Variants in NEK11 observed in about 807,000 individuals in gnomAD.
The protein encoded by NEK11 is NIMA related kinase 11.
Under a neutral mutation model 80.7 loss-of-function variants are expected in NEK11, and 72 were observed. The observed-to-expected ratio is 0.89, with a 90% CI of 0.74 to 1.08. The LOEUF (loss-of-function observed/expected upper bound fraction) is 1.08. Ranked by LOEUF, NEK11 falls within the 50% of genes least tolerant of loss-of-function variation. The probability of loss-of-function intolerance (pLI) is 0.00; values close to 1 mark genes in which losing one functional copy is unlikely to be tolerated. For missense variants in NEK11, 764 were observed against 763.6 expected (o/e 1.00, Z -0.01); for synonymous variants, 251 against 260.7 (o/e 0.96, Z 0.36).
Position 131,296,154 on chromosome 3 carries a change from AAAC to A in NEK11, c.1718+22585_1718+22587del, listed in dbSNP as rs370449068. ...CCACACCTGGCCCAAGTCTGCTTTC[AAAC>A]AACATTATACCACTTCATAGGTAAT... On this transcript the variant is annotated intron_variant, in intron 17 of 17. Transcript: ENST00000383366. 6.1e-4 allele frequency among the ~76,000 whole-genome samples: 93 copies of A among 152,232 alleles called. 3 individuals are homozygous for A. The South Asian group carries it at 0.017, about 28-fold the overall frequency.
At position 131,188,575 on chromosome 3, in the gene NEK11, G is replaced by T. The variant is rs375334223; in HGVS notation, c.1399+17688G>T. ...TACATTGCTGTTATCCTTGTACTTT[G>T]TAAGTACCATTATATCCTTGCACTT... is the stretch of plus-strand genomic sequence containing the variant. On this transcript the variant is annotated intron_variant, in intron 14 of 17. Transcript: ENST00000383366. 2.0e-5 allele frequency among the ~76,000 whole-genome samples: 3 copies of T among 152,058 alleles called. No individual in the cohort carries two copies. The East Asian group carries it at 5.8e-4, about 29-fold the overall frequency.
intron 14 of NEK11, among the ~76,000 whole-genome samples, chr3:131,205,999 G>A (rs375616187): frequency 3.3e-5 from 5 of 152,292 alleles, no homozygotes; most frequent in South Asian, 2.1e-4. Context: ...GAATCACTGC[G>A]TATAAGTAAG....
chr3:131,166,651 A>G (rs1246881181), intron 12 of NEK11, among the ~76,000 whole-genome samples: 2 of 152,130 alleles, frequency 1.3e-5, no homozygotes, highest in Non-Finnish European at 2.9e-5. Context: ...CACCCCTCTG[A>G]CACACCATTT....
intron 17 of NEK11, among the ~76,000 whole-genome samples, chr3:131,319,468 C>A (rs2096876340): frequency 6.6e-6 from 1 of 152,086 alleles, no homozygotes; most frequent in Non-Finnish European, 1.5e-5. Flanking sequence ...GCCCAGAGTG[C>A]CATGGAGACT....
intron 14 of NEK11, among the ~76,000 whole-genome samples, chr3:131,178,054 G>A (rs1046251164): frequency 6.6e-6 from 1 of 152,186 alleles, no homozygotes; most frequent in Non-Finnish European, 1.5e-5. Context: ...TTGTAACACA[G>A]TGGTAAGTAT....
intron 3 of NEK11, among the ~76,000 whole-genome samples, chr3:131,061,692 C>A (rs577923078): frequency 1.3e-4 from 20 of 152,140 alleles, no homozygotes; most frequent in Admixed American, 1.2e-3. Flanking sequence ...TCTCTCGGAT[C>A]CAAGCAACAA....
chr3:131,082,657 T>G (rs755596602), intron 4 of NEK11, among the ~76,000 whole-genome samples: 1 of 152,248 alleles, frequency 6.6e-6, no homozygotes, highest in Non-Finnish European at 1.5e-5. Context: ...TAGACATACA[T>G]AGTATATGTT....
intron 14 of NEK11, among the ~76,000 whole-genome samples, chr3:131,187,697 A>G (rs985811819): frequency 6.6e-6 from 1 of 152,148 alleles, no homozygotes; most frequent in African/African-American, 2.4e-5. Context: ...AGAAATGAGT[A>G]CAGGTGTTTT....
At chr3:131,266,287 TA>T (rs2096056759) in intron 16 of NEK11, among the ~76,000 whole-genome samples, 1 of 152,238 alleles carries the variant, frequency 6.6e-6, no homozygotes, top group Non-Finnish European at 1.5e-5. Flanking sequence ...TCTAGTTCTT[TA>T]ATTGTGATGT....
intron 14 of NEK11, among the ~76,000 whole-genome samples, chr3:131,190,140 A>G (rs1465877455): frequency 6.6e-6 from 1 of 152,210 alleles, no homozygotes; most frequent in African/African-American, 2.4e-5. Context: ...TGAGCTAGAA[A>G]TTATTTTTTT....
At chr3:131,182,734 C>T (rs1236827676) in intron 14 of NEK11, among the ~76,000 whole-genome samples, 1 of 152,162 alleles carries the variant, frequency 6.6e-6, no homozygotes, top group Non-Finnish European at 1.5e-5. Context: ...TGCAGTCTTT[C>T]ATTGCATGCA....
chr3:131,071,213 G>C (rs1016837655), intron 3 of NEK11, among the ~76,000 whole-genome samples: 8 of 152,032 alleles, frequency 5.3e-5, no homozygotes, highest in Non-Finnish European at 1.2e-4. Context: ...AGCTATTCCA[G>C]CAAGTATGTT....
intron 14 of NEK11, among the ~76,000 whole-genome samples, chr3:131,212,172 T>C (rs778506824): frequency 1.6e-4 from 24 of 152,210 alleles, no homozygotes; most frequent in Non-Finnish European, 3.1e-4. Context: ...TTTTTGTTGA[T>C]GTTGATGCTA....
rs542396654 is a variant in NEK11 at position 131,115,856 on chromosome 3, C to T, written c.455+5935C>T. 7.9e-5 allele frequency among the ~76,000 whole-genome samples: 12 copies of T among 152,090 alleles called. No individual in the cohort carries two copies. In the South Asian group the frequency reaches 2.3e-3, roughly 29 times the overall value. ...CCCATGGATTTCCCAGCCAGCTTGGCGAGGTATTGTGGTAGAGTGGCTAAA... is the reference window on the plus strand; with the variant it reads ...CCCATGGATTTCCCAGCCAGCTTGGTGAGGTATTGTGGTAGAGTGGCTAAA... On this transcript the variant is annotated intron_variant, in intron 5 of 17. Transcript: ENST00000383366.
At chr3:131,262,185 T>C (rs1412917320) in intron 16 of NEK11, among the ~76,000 whole-genome samples, 1 of 151,984 alleles carries the variant, frequency 6.6e-6, no homozygotes. Flanking sequence ...TTAGATGAAA[T>C]GGACAAATTT....
chr3:131,103,211 TG>T lies in NEK11; in HGVS notation c.337-6590del, dbSNP rs1199286752. ...TTAAAAACCATTGCTGGGGAGCTAG[TG>T]GACTTGTTTGGAGGTAAGGGTACAC... On this transcript the variant is annotated intron_variant, in intron 4 of 17. Coordinates refer to ENST00000383366, the MANE Select transcript of NEK11 (RefSeq NM_024800.5). Among the ~76,000 whole-genome samples, 16 of 152,190 alleles carry T rather than the reference TG, an allele frequency of 1.1e-4. 1 individual carries two copies. The highest frequency in any genetic ancestry group is 1.3e-4 in the Admixed American group (2 of 15,278).
At chr3:131,283,028 G>A (rs1156364378) in intron 17 of NEK11, among the ~76,000 whole-genome samples, 3 of 152,160 alleles carry the variant, frequency 2.0e-5, no homozygotes, top group Non-Finnish European at 4.4e-5. Flanking sequence ...TACCTGTGAG[G>A]TGCGGAGGAT....
chr3:131,076,460 C>T (rs1360161163), intron 3 of NEK11, among the ~76,000 whole-genome samples: 1 of 146,016 alleles, frequency 6.8e-6, no homozygotes, highest in Non-Finnish European at 1.5e-5. Flanking sequence ...AAGAGACCTT[C>T]CCATTTAAGA....
chr3:131,077,386 C>T (rs775996611), intron 3 of NEK11, among the ~76,000 whole-genome samples: 9 of 152,066 alleles, frequency 5.9e-5, no homozygotes, highest in Non-Finnish European at 7.4e-5. Context: ...GGAAGGTGAA[C>T]GTCTCCGCAT....
Sources: gnomAD v4.1 joint callset for allele counts (sites outside exome capture counted in the v4.1 genomes callset) on GRCh38, gnomAD v4.1.1 for gene constraint, MANE v1.5 for transcripts, NCBI Gene and HGNC (gene_info 2026-07-23, HGNC 2026-07-21) for gene names.